SLC8A1: variants seen among roughly 807,000 people sequenced by gnomAD.
The protein encoded by SLC8A1 is solute carrier family 8 member A1, also known as sodium/calcium exchanger 1.
A neutral mutation model predicts 68.3 loss-of-function variants in SLC8A1; 18 were observed. The ratio of observed to expected loss-of-function variants is 0.26; its 90% CI spans 0.18 to 0.39. The LOEUF (loss-of-function observed/expected upper bound fraction) is 0.39, where lower values mean the gene tolerates loss of function less well. Among genes scored for constraint, SLC8A1 ranks in the 10% least tolerant of loss-of-function variants. The pLI, the probability that SLC8A1 is intolerant of heterozygous loss-of-function variation, is 1.00. For missense variants in SLC8A1, 985 were observed against 1,156.7 expected (o/e 0.85, Z 2.15); for synonymous variants, 475 against 415.5 (o/e 1.14, Z -1.74).
intron 2 of SLC8A1, among the ~76,000 whole-genome samples, chr2:40,413,125 G>C (rs181342400): frequency 1.3e-3 from 203 of 152,316 alleles, no homozygotes; most frequent in African/African-American, 4.6e-3. Flanking sequence ...AGGATGTGGA[G>C]AAATAGGAAC....
intron 2 of SLC8A1, among the ~76,000 whole-genome samples, chr2:40,385,499 A>G (rs1452334866): frequency 2.5e-5 from 2 of 80,050 alleles, no homozygotes; most frequent in Non-Finnish European, 4.6e-5. Context: ...AATATAGGTG[A>G]GGAGATTTAT....
At chr2:40,271,717 G>C (rs2066054835) in intron 2 of SLC8A1, among the ~76,000 whole-genome samples, 2 of 152,148 alleles carry the variant, frequency 1.3e-5, no homozygotes, top group African/African-American at 4.8e-5. Context: ...ATGTATATTT[G>C]ATGAGCCCTT....
Position 40,229,439 on chromosome 2 carries a change from CCTT to C in SLC8A1, c.1809-51587_1809-51585del, listed in dbSNP as rs569491109. Among the ~76,000 whole-genome samples, 351 of 152,142 alleles carry C rather than the reference CCTT, an allele frequency of 2.3e-3. 4 individuals carry two copies. The highest frequency in any genetic ancestry group is 8.1e-3 in the African/African-American group (335 of 41,534). ...AAAAAAATCTGTTGTTAGAGAATCTCCTTAATTTTTTTCAAAGCTGAATAGAAC... is the reference window on the plus strand; with the variant it reads ...AAAAAAATCTGTTGTTAGAGAATCTCAATTTTTTTCAAAGCTGAATAGAAC... On this transcript the variant is annotated intron_variant, in intron 2 of 7. Coordinates refer to ENST00000406785, the Ensembl canonical transcript of SLC8A1.
At chr2:40,150,146 A>G (rs537358569) in intron 6 of SLC8A1, among the ~76,000 whole-genome samples, 2 of 151,856 alleles carry the variant, frequency 1.3e-5, no homozygotes, top group South Asian at 2.1e-4. Context: ...CTAACAGGCC[A>G]TAAGACACAA....
intron 2 of SLC8A1, among the ~76,000 whole-genome samples, chr2:40,294,070 C>T (rs958408559): frequency 6.6e-6 from 1 of 152,078 alleles, no homozygotes; most frequent in Non-Finnish European, 1.5e-5. Flanking sequence ...ATTTGCTGCT[C>T]ATTCACCTCA....
At chr2:40,189,886 GGTAACGT>G (rs1257580543) in intron 2 of SLC8A1, 1 of 152,094 alleles carries the variant, frequency 6.6e-6, no homozygotes, top group African/African-American at 2.4e-5. Flanking sequence ...TAATGTAGAA[GGTAACGT>G]TCCCCATCTT....
intron 2 of SLC8A1, among the ~76,000 whole-genome samples, chr2:40,225,950 T>G (rs918773617): frequency 1.3e-5 from 2 of 152,202 alleles, no homozygotes; most frequent in Non-Finnish European, 2.9e-5. Context: ...CTGATGCTTT[T>G]ACATAATTGG....
chr2:40,118,808 G>A (rs1002912310), intron 7 of SLC8A1, among the ~76,000 whole-genome samples: 8 of 151,798 alleles, frequency 5.3e-5, no homozygotes, highest in African/African-American at 1.9e-4. Flanking sequence ...GCAGTTGCGG[G>A]GGTGGTAATT....
rs371802958 is a variant in SLC8A1 at position 40,474,377 on chromosome 2, T to C, written c.-25+37972A>G. Among the ~76,000 whole-genome samples the C allele has an allele frequency of 5.3e-4, 81 of 152,322 alleles. No homozygotes were observed. The South Asian group carries it at 7.7e-3, about 14-fold the overall frequency. On this transcript the variant is annotated intron_variant, in intron 1 of 7. Transcript: ENST00000402441. ...AAGTACCAGAAAAAGAAGTTTACTC[T>C]TGGACAAAAACATAAATGGTTTCTC...
chr2:40,144,043 C>G (rs1413393132), intron 6 of SLC8A1, among the ~76,000 whole-genome samples: 1 of 152,138 alleles, frequency 6.6e-6, no homozygotes, highest in Non-Finnish European at 1.5e-5. Flanking sequence ...TGCTCAAGTC[C>G]TTTATAAAAC....
At position 40,277,835 on chromosome 2, in the gene SLC8A1, T is replaced by C. The variant is rs1223795387; in HGVS notation, c.1809-99980A>G. ...ATATATATATATATATATATATTTGTAACATATGGTTGCTTACTATGTGCA... is the reference window on the plus strand; with the variant it reads ...ATATATATATATATATATATATTTGCAACATATGGTTGCTTACTATGTGCA... On this transcript the variant is annotated intron_variant, in intron 2 of 7. Transcript: ENST00000406785. 2.1e-5 allele frequency among the ~76,000 whole-genome samples: 3 copies of C among 142,454 alleles called. No individual in the cohort carries two copies. The East Asian group carries it at 6.1e-4, about 29-fold the overall frequency. The allele number at this position is 142,454 out of a possible 152,430, so 93.5% of individuals were successfully genotyped here.
At chr2:40,410,104 C>G (rs1232563967) in intron 2 of SLC8A1, among the ~76,000 whole-genome samples, 2 of 152,140 alleles carry the variant, frequency 1.3e-5, no homozygotes, top group East Asian at 1.9e-4. Flanking sequence ...TATGTTTTAA[C>G]TTTTTAATAA....
intron 2 of SLC8A1, among the ~76,000 whole-genome samples, chr2:40,184,462 C>T (rs1396689804): frequency 6.6e-6 from 1 of 152,166 alleles, no homozygotes; most frequent in Non-Finnish European, 1.5e-5. Flanking sequence ...ATGACGGTCT[C>T]TGCAGGCAAC....
chr2:40,237,328 T>C (rs1364507104), intron 2 of SLC8A1, among the ~76,000 whole-genome samples: 1 of 152,178 alleles, frequency 6.6e-6, no homozygotes, highest in Non-Finnish European at 1.5e-5. Context: ...TTCTCTAAAC[T>C]TCCCTTCTCA....
At chr2:40,305,570 T>C (rs1466197089) in intron 2 of SLC8A1, among the ~76,000 whole-genome samples, 2 of 152,196 alleles carry the variant, frequency 1.3e-5, no homozygotes, top group African/African-American at 4.8e-5. Flanking sequence ...TCAGAGGCTG[T>C]GATAAGCATT....
intron 6 of SLC8A1, among the ~76,000 whole-genome samples, chr2:40,150,418 G>A (rs1279117353): frequency 6.6e-6 from 1 of 152,148 alleles, no homozygotes; most frequent in East Asian, 1.9e-4. Context: ...GGGTTAGGCT[G>A]CAATGTTTCC....
Position 40,108,368 on chromosome 2 carries a change from G to T in SLC8A1, c.*6885C>A, listed in dbSNP as rs188531690. 495 of 152,200 alleles carry T rather than the reference G, an allele frequency of 3.3e-3. 7 individuals are homozygous for T. The highest frequency in any genetic ancestry group is 0.011 in the African/African-American group (472 of 41,528). The allele number at this position is 152,200 out of a possible 1,614,324, so 9.4% of individuals were successfully genotyped here. On this transcript the variant is annotated 3_prime_UTR_variant, in exon 8 of 8. Coordinates refer to ENST00000406785, the Ensembl canonical transcript of SLC8A1. ...CATATAAAACCTGCGAATATAAATT[G>T]TACTGTTGTTTCTGGAAACTGGGAT...
chr2:40,452,248 C>A (rs1702653597), upstream of SLC8A1, among the ~76,000 whole-genome samples: 1 of 150,628 alleles, frequency 6.6e-6, no homozygotes, highest in Non-Finnish European at 1.5e-5. Flanking sequence ...CTCGGCCCCG[C>A]GGCTGCCGGG....
chr2:40,405,875 T>C (rs1690173909), intron 2 of SLC8A1, among the ~76,000 whole-genome samples: 1 of 152,210 alleles, frequency 6.6e-6, no homozygotes, highest in Non-Finnish European at 1.5e-5. Flanking sequence ...AGTAACTAAC[T>C]GAAATCTAAC....
Sources: gnomAD v4.1 joint callset for allele counts (sites outside exome capture counted in the v4.1 genomes callset) on GRCh38, gnomAD v4.1.1 for gene constraint, MANE v1.5 for transcripts, NCBI Gene and HGNC (gene_info 2026-07-23, HGNC 2026-07-21) for gene names.